Variants in DCAF1 observed in about 807,000 individuals in gnomAD.
DCAF1 encodes the protein DDB1 and CUL4 associated factor 1.
DCAF1 carries 15 observed loss-of-function variants against 128.0 expected under a neutral mutation model. The observed-to-expected ratio is 0.12, with a 90% CI of 0.08 to 0.18. The LOEUF (loss-of-function observed/expected upper bound fraction) is 0.18. Among genes scored for constraint, DCAF1 ranks in the 10% least tolerant of loss-of-function variants. The pLI, the probability that DCAF1 is intolerant of heterozygous loss-of-function variation, is 1.00. For missense variants in DCAF1, 988 were observed against 1,649.5 expected, an observed-to-expected ratio of 0.60 and a Z score of 6.95; for synonymous variants, 610 against 603.0, an observed-to-expected ratio of 1.01 and a Z score of -0.17.
At chr3:51,464,835 G>A (rs1703970667) in intron 5 of DCAF1, among the ~76,000 whole-genome samples, 1 of 152,196 alleles carries the variant, frequency 6.6e-6, no homozygotes, top group Non-Finnish European at 1.5e-5. Flanking sequence ...AAGCCGGGAT[G>A]TAAAAGACGA....
At chr3:51,431,387 G>T (rs1700360985) in intron 10 of DCAF1, among the ~76,000 whole-genome samples, 1 of 151,478 alleles carries the variant, frequency 6.6e-6, no homozygotes, top group African/African-American at 2.4e-5. Context: ...AGGCATGGTG[G>T]CACGTGCCTG....
At chr3:51,426,871 C>T (rs1444087474) in intron 13 of DCAF1, among the ~76,000 whole-genome samples, 1 of 152,138 alleles carries the variant, frequency 6.6e-6, no homozygotes, top group Admixed American at 6.5e-5. Flanking sequence ...TAGAACCTAC[C>T]CAGTTTCCTG....
chr3:51,474,494 A>G (rs951115834), intron 3 of DCAF1, among the ~76,000 whole-genome samples: 7 of 152,166 alleles, frequency 4.6e-5, no homozygotes, highest in Non-Finnish European at 7.4e-5. Flanking sequence ...ATCAAGCTTC[A>G]TAAGTATTTC....
Position 51,420,222 on chromosome 3 carries a change from A to G in DCAF1, c.2748T>C (p.His916=), listed in dbSNP as rs781843592. ...ANGIATRLGS[H]AAVGASAPSA... ...AAGGCGCAGAGGCACCCACAGCAGC[A>G]TGGCTGCCCAGACGAGTTGCAATGC... is the stretch of plus-strand genomic sequence containing the variant. The change falls in exon 15 of 25, where the codon CAT becomes CAC. Residue 916 remains histidine, a synonymous_variant. Coordinates refer to ENST00000684031, the MANE Select transcript of DCAF1 (RefSeq NM_001387579.1). This position sits in a 1 kb window ranked among gnomAD's most constrained non-coding sequence, Gnocchi z 6.5. 3 of 1,614,014 alleles carry G rather than the reference A, an allele frequency of 1.9e-6. No individual in the cohort carries two copies. The highest frequency in any genetic ancestry group is 2.5e-6 in the Non-Finnish European group (3 of 1,179,894).
chr3:51,429,369 G>A lies in DCAF1; in HGVS notation c.1569C>T (p.Ala523=), dbSNP rs1553634964. The A allele has an allele frequency of 1.3e-6, 1 of 780,854 alleles. No homozygotes were observed. The highest frequency in any genetic ancestry group is 1.7e-5 in the African/African-American group (1 of 59,230). 48.4% of individuals were successfully genotyped at this position (780,854 alleles called of 1,614,324 possible). ...GGTGAGCCTCAAAGTATTTGCGCAAGGCCATGCAGGTATGTTTCCCAGTTT... is the reference window on the plus strand; with the variant it reads ...GGTGAGCCTCAAAGTATTTGCGCAAAGCCATGCAGGTATGTTTCCCAGTTT... ...SRQTGKHTCM[A]LRKYFEAHLA... is the part of the protein sequence containing the mutation. The change falls in exon 12 of 25, where the codon GCC becomes GCT. Residue 523 remains alanine, a synonymous_variant. Transcript: ENST00000684031.
intron 6 of DCAF1, among the ~76,000 whole-genome samples, chr3:51,445,480 T>C (rs1415669609): frequency 7.9e-5 from 12 of 152,340 alleles, no homozygotes; most frequent in African/African-American, 2.6e-4. Context: ...GGGCAGGTAC[T>C]ATATTTGCAG....
chr3:51,398,590 T>C lies in DCAF1; in HGVS notation c.*179A>G, dbSNP rs1034253828. ...CTGTTGTCATTTTTGTGGTGGTTAT[T>C]GATTCTGGAAGGACCCTCGGGTGCC... On this transcript the variant is annotated 3_prime_UTR_variant, in exon 25 of 25. Coordinates refer to ENST00000684031, the MANE Select transcript of DCAF1 (RefSeq NM_001387579.1). 6 of 727,676 alleles carry C rather than the reference T, an allele frequency of 8.2e-6. No homozygotes were observed. Among genetic ancestry groups the C allele is most frequent in the African/African-American group, 1.8e-5 (1 of 56,192 alleles). 45.1% of individuals were successfully genotyped at this position (727,676 alleles called of 1,614,324 possible). A position where few individuals can be genotyped will look rare whatever the true frequency, so the allele number is the denominator to read the frequency against.
intron 9 of DCAF1, 118 bp downstream of exon 9, chr3:51,440,852 G>A: frequency 1.3e-6 from 1 of 775,964 alleles, no homozygotes; most frequent in South Asian, 1.8e-5. Context: ...GTTGCAGTGA[G>A]CCAAGATCGC....
upstream of DCAF1, among the ~76,000 whole-genome samples, chr3:51,503,106 G>A (rs879992076): frequency 8.5e-5 from 13 of 152,170 alleles, no homozygotes; most frequent in Non-Finnish European, 1.5e-4. Flanking sequence ...TCTTTGGTAG[G>A]ACATCTCTGG....
rs782439201 is a variant in DCAF1, at chr3:51,413,934, G to A, written c.3931+16C>T. 9 of 1,504,256 alleles carry A rather than the reference G, an allele frequency of 6.0e-6. No homozygotes were observed. Among genetic ancestry groups the A allele is most frequent in the East Asian group, 2.5e-5 (1 of 40,406 alleles). 93.2% of individuals were successfully genotyped at this position (1,504,256 alleles called of 1,614,324 possible). On this transcript the variant is annotated intron_variant, in intron 20 of 24. Coordinates refer to ENST00000684031, the MANE Select transcript of DCAF1 (RefSeq NM_001387579.1). Reference sequence around the variant, plus strand: ...GAGCAAAAGGAAAGAGAATAATGAAGGATAAGGTTTATTACCTCCATACAT... The same window carrying A: ...GAGCAAAAGGAAAGAGAATAATGAAAGATAAGGTTTATTACCTCCATACAT...
chr3:51,404,716 G>A (rs1357231781), intron 23 of DCAF1, among the ~76,000 whole-genome samples: 1 of 152,244 alleles, frequency 6.6e-6, no homozygotes, highest in African/African-American at 2.4e-5. Context: ...ACTTGTGCAA[G>A]TGCGTGTATG....
chr3:51,502,202 GGC>G (rs1283181744), upstream of DCAF1, among the ~76,000 whole-genome samples: 2 of 152,144 alleles, frequency 1.3e-5, no homozygotes, highest in Non-Finnish European at 2.9e-5. Context: ...ACGCGCTCCT[GGC>G]ACTGCCTCAG....
chr3:51,489,612 C>T (rs1282735116), intron 2 of DCAF1, among the ~76,000 whole-genome samples: 1 of 151,884 alleles, frequency 6.6e-6, no homozygotes, highest in African/African-American at 2.4e-5. Flanking sequence ...CATGGTGAAA[C>T]CGCATCTCTA....
rs1424864406 is a variant in DCAF1 at position 51,433,212 on chromosome 3, T to C, written c.1181A>G (p.His394Arg). ...HNKFATEFVA[H>R]GGVQKLLEIP... is the part of the protein sequence containing the mutation. Reference sequence around the variant, plus strand: ...TTCCAGTAATTTCTGTACTCCACCATGCGCAACAAATTCTGTGGCAAATTT... The same window carrying C: ...TTCCAGTAATTTCTGTACTCCACCACGCGCAACAAATTCTGTGGCAAATTT... Residue 394 changes from histidine (H) to arginine (R), a missense_variant, in exon 10 of 25, where the codon CAT becomes CGT. This residue lies in a region of DCAF1 where 185 missense variants were observed against 248.1 expected (regional missense o/e 0.75). Transcript: ENST00000684031. The C allele has an allele frequency of 2.5e-6, 1 of 398,392 alleles. No homozygotes were observed. Among genetic ancestry groups the C allele is most frequent in the Non-Finnish European group, 4.4e-6 (1 of 226,050 alleles). 24.7% of individuals were successfully genotyped at this position (398,392 alleles called of 1,614,324 possible). A position where few individuals can be genotyped will look rare whatever the true frequency, so the allele number is the denominator to read the frequency against.
downstream of DCAF1, chr3:51,397,119 TTC>T (rs1165625349): frequency 4.2e-5 from 7 of 167,140 alleles, no homozygotes; most frequent in Non-Finnish European, 1.5e-5. Flanking sequence ...TTGTCCCCTC[TTC>T]TCTCTGTTAA....
intron 9 of DCAF1, among the ~76,000 whole-genome samples, chr3:51,435,799 C>T (rs1700772154): frequency 6.6e-6 from 1 of 152,152 alleles, no homozygotes; most frequent in South Asian, 2.1e-4. Context: ...ATTCACTGGC[C>T]TCCTTGTATC....
In DCAF1 at chr3:51,431,981, A is replaced by C. The variant is rs548326681; in HGVS notation, c.1287+1125T>G. ...CAACAGAGCGAGACCCTGTCATTAG[A>C]AAAAAAAAAGGCCGGGCATGGTGGC... On this transcript the variant is annotated intron_variant, in intron 10 of 24. Transcript: ENST00000684031. Among the ~76,000 whole-genome samples the C allele has an allele frequency of 3.4e-3, 509 of 148,748 alleles. 2 individuals are homozygous for C. Among genetic ancestry groups the C allele is most frequent in the Non-Finnish European group, 5.7e-3 (380 of 66,860 alleles).
At chr3:51,403,024 T>A in intron 24 of DCAF1, 119 bp downstream of exon 24, 1 of 1,449,932 alleles carries the variant, frequency 6.9e-7, no homozygotes, top group Non-Finnish European at 9.1e-7. Flanking sequence ...ACCAGAGTAG[T>A]GAATCAAATT....
chr3:51,463,210 C>A lies in DCAF1; in HGVS notation c.279G>T (p.Val93=), dbSNP rs1553645272. 1.9e-6 allele frequency: 3 copies of A among 1,583,476 alleles called. No individual in the cohort carries two copies. The highest frequency in any genetic ancestry group is 1.7e-6 in the Non-Finnish European group (2 of 1,164,766). ...DFMNALVNAY[V]MTSREPPLNT... ...TTAAAGGGGGCTCTCGGCTTGTCAT[C>A]ACATATGCATTCACCAGCTGTAAAG... The change falls in exon 6 of 25, where the codon GTG becomes GTT. Residue 93 remains valine (V), a synonymous_variant. Transcript: ENST00000684031.
Sources: allele counts gnomAD v4.1 joint callset (sites outside exome capture counted in the v4.1 genomes callset), GRCh38; gene constraint gnomAD v4.1.1; regional missense constraint gnomAD v4.1.1; non-coding constraint Gnocchi (gnomAD v3.1); transcripts MANE v1.5; gene names NCBI Gene and HGNC (gene_info 2026-07-23, HGNC 2026-07-21).